The following ANO3 variants were observed in gnomAD, a reference collection of about 807,000 sequenced individuals.
ANO3 encodes anoctamin-3.
A neutral mutation model predicts 144.8 loss-of-function variants in ANO3; 99 were observed. That is an observed-to-expected ratio of 0.68 (90% CI 0.58 to 0.81). The LOEUF is 0.81. Among genes scored for constraint, ANO3 ranks in the 30% least tolerant of loss-of-function variants. The pLI is 0.00. For synonymous variants in ANO3, 414 were observed against 392.6 expected, an observed-to-expected ratio of 1.05 and a Z score of -0.64; for missense variants, 905 against 1,202.2, an observed-to-expected ratio of 0.75 and a Z score of 3.66.
intron 4 of ANO3, among the ~76,000 whole-genome samples, chr11:26,502,943 A>C (rs1410666657): frequency 6.6e-6 from 1 of 152,060 alleles, no homozygotes; most frequent in Non-Finnish European, 1.5e-5. Context: ...TTCCTTGTGC[A>C]AATGGGCAAA....
intron 14 of ANO3, among the ~76,000 whole-genome samples, chr11:26,567,795 A>G (rs1850652653): frequency 6.6e-6 from 1 of 152,016 alleles, no homozygotes; most frequent in East Asian, 1.9e-4. Flanking sequence ...CAGATTGGAT[A>G]ATAAACTGTG....
At chr11:26,566,004 G>A in intron 14 of ANO3, 1 of 1,119,596 alleles carries the variant, frequency 8.9e-7, no homozygotes, top group Non-Finnish European at 1.2e-6. Flanking sequence ...TATAGAGATG[G>A]TAATATCATA....
intron 1 of ANO3, among the ~76,000 whole-genome samples, chr11:26,391,421 G>T (rs1450711590): frequency 6.6e-6 from 1 of 152,018 alleles, no homozygotes; most frequent in South Asian, 2.1e-4. Context: ...TCTTAATACT[G>T]TTAATATTGG....
chr11:26,503,857 A>C (rs1861298039), intron 4 of ANO3, among the ~76,000 whole-genome samples: 1 of 152,102 alleles, frequency 6.6e-6, no homozygotes. Flanking sequence ...TGCTTTTAAA[A>C]TATGAAAAGC....
chr11:26,563,847 G>A (rs1850402833), intron 14 of ANO3, among the ~76,000 whole-genome samples: 1 of 151,826 alleles, frequency 6.6e-6, no homozygotes, highest in Non-Finnish European at 1.5e-5. Context: ...GTCTAGGCCT[G>A]AGCTTACGGG....
intron 5 of ANO3, among the ~76,000 whole-genome samples, chr11:26,512,442 C>G (rs990647633): frequency 2.0e-5 from 3 of 152,158 alleles, no homozygotes; most frequent in Non-Finnish European, 4.4e-5. Context: ...GGTAATCTTT[C>G]TCCCTGACAG....
intron 26 of ANO3, among the ~76,000 whole-genome samples, chr11:26,657,878 G>C (rs1047848266): frequency 6.6e-6 from 1 of 152,050 alleles, no homozygotes; most frequent in South Asian, 2.1e-4. Context: ...CCTTTGTCAG[G>C]TGGATAGTTT....
chr11:26,554,756 C>G (rs1850036955), intron 13 of ANO3, among the ~76,000 whole-genome samples: 1 of 152,108 alleles, frequency 6.6e-6, no homozygotes, highest in African/African-American at 2.4e-5. Flanking sequence ...TCACTGAGTA[C>G]TGCCTAGGTT....
At chr11:26,242,912 T>C (rs1021968090) in intron 1 of ANO3, among the ~76,000 whole-genome samples, 17 of 152,174 alleles carry the variant, frequency 1.1e-4, no homozygotes, top group African/African-American at 3.9e-4. Context: ...TTAGAAATAA[T>C]GTATGAAGAA....
At position 26,662,861 on chromosome 11, in the gene ANO3, G is replaced by C. The variant is rs1445716196; in HGVS notation, c.*2417G>C. On this transcript the variant is annotated 3_prime_UTR_variant, in exon 27 of 27. Transcript: ENST00000256737. ...GTTAGTTTTAGATCACTCTGTTTTA[G>C]TTGAGAGAAATGTTTTATATCATGG... is the stretch of plus-strand genomic sequence containing the variant. 1 of 152,388 alleles carries C rather than the reference G, an allele frequency of 6.6e-6. No homozygotes were observed. The highest frequency in any genetic ancestry group is 1.5e-5 in the Non-Finnish European group (1 of 67,958). The allele number at this position is 152,388 out of a possible 1,614,324, so 9.4% of individuals were successfully genotyped here. A position where few individuals can be genotyped will look rare whatever the true frequency, so the allele number is the denominator to read the frequency against.
At chr11:26,355,705 G>GC (rs201147638) in intron 1 of ANO3, among the ~76,000 whole-genome samples, 4,844 of 151,798 alleles carry the variant, frequency 0.032, 228 homozygotes, top group African/African-American at 0.1. Context: ...GATTACAGGC[G>GC]CCCCCCACCA....
At chr11:26,636,680 T>C (rs1012763115) in intron 20 of ANO3, among the ~76,000 whole-genome samples, 6 of 152,230 alleles carry the variant, frequency 3.9e-5, no homozygotes, top group Non-Finnish European at 8.8e-5. Context: ...TCAGTGTAGC[T>C]TCAGAGTCTG....
rs1457644313 is a variant in ANO3 at position 26,332,229 on chromosome 11, T to A, written c.-47T>A. ...AGAGTCTGGCTACTGTTCCTCCGCC[T>A]CCCTCTCGGGCAGCTCCCTAAGCCG... On this transcript the variant is annotated 5_prime_UTR_variant, in exon 1 of 27. Transcript: ENST00000256737. 1.2e-6 allele frequency: 2 copies of A among 1,613,824 alleles called. No homozygotes were observed. Among genetic ancestry groups the A allele is most frequent in the Non-Finnish European group, 1.7e-6 (2 of 1,179,930 alleles).
chr11:26,463,079 T>C lies in ANO3; in HGVS notation c.363T>C (p.Tyr121=). 6.3e-7 allele frequency: 1 copy of C among 1,599,228 alleles called. No homozygotes were observed. Among genetic ancestry groups the C allele is most frequent in the Non-Finnish European group, 8.5e-7 (1 of 1,172,752 alleles). The part of the protein sequence containing the change: ...DYTDESEHAT[Y]DRSRLINDFV... ...CGGATGAATCAGAACACGCTACTTA[T>C]GACCGATCTCGTCTCATTAATGACT... The change falls in exon 4 of 27, where the codon TAT becomes TAC. Residue 121 remains tyrosine, a synonymous_variant. Coordinates refer to ENST00000256737, the MANE Select transcript of ANO3 (RefSeq NM_031418.4).
At chr11:26,475,295 T>C (rs1328958840) in intron 4 of ANO3, among the ~76,000 whole-genome samples, 1 of 152,058 alleles carries the variant, frequency 6.6e-6, no homozygotes, top group Admixed American at 6.6e-5. Flanking sequence ...CATCACACTT[T>C]ATCCGGTTAA....
intron 1 of ANO3, among the ~76,000 whole-genome samples, chr11:26,245,291 C>A (rs751044044): frequency 2.0e-5 from 3 of 152,018 alleles, no homozygotes; most frequent in Non-Finnish European, 4.4e-5. Context: ...GGCATTCTTC[C>A]CCTTTTGTAA....
At chr11:26,250,026 A>T (rs1044336759) in intron 1 of ANO3, among the ~76,000 whole-genome samples, 3 of 152,182 alleles carry the variant, frequency 2.0e-5, no homozygotes, top group Non-Finnish European at 4.4e-5. Flanking sequence ...GGCCCACATC[A>T]CTGTCCCTGT....
intron 14 of ANO3, among the ~76,000 whole-genome samples, chr11:26,586,380 C>T (rs1264604590): frequency 1.6e-4 from 21 of 134,588 alleles, no homozygotes; most frequent in Admixed American, 1.2e-3. Flanking sequence ...TTTTTTGAGA[C>T]GGAGTCTCAC....
intron 1 of ANO3, among the ~76,000 whole-genome samples, chr11:26,260,633 T>TTGCTGAA (rs1564938016): frequency 2.0e-5 from 3 of 152,066 alleles, no homozygotes; most frequent in African/African-American, 7.2e-5. Context: ...TTAACCAAGG[T>TTGCTGAA]ATGTGATTCC....
Sources: gnomAD v4.1 joint callset for allele counts (sites outside exome capture counted in the v4.1 genomes callset) on GRCh38, gnomAD v4.1.1 for gene constraint, MANE v1.5 for transcripts, NCBI Gene and HGNC (gene_info 2026-07-23, HGNC 2026-07-21) for gene names.